COL4A1: variants seen among roughly 807,000 people sequenced by gnomAD.
COL4A1 encodes the protein collagen type IV alpha 1 chain.
COL4A1 carries 40 observed loss-of-function variants against 216.6 expected under a neutral mutation model. The ratio of observed to expected loss-of-function variants is 0.18; its 90% CI spans 0.14 to 0.24. The LOEUF (loss-of-function observed/expected upper bound fraction) is 0.24, where lower values mean the gene tolerates loss of function less well. Among genes scored for constraint, COL4A1 ranks in the 10% least tolerant of loss-of-function variants. COL4A1 has a pLI of 1.00. For synonymous variants in COL4A1, 839 were observed against 810.7 expected (o/e 1.03, Z -0.59); for missense variants, 1,628 against 2,196.8 (o/e 0.74, Z 5.18).
intron 1 of COL4A1, among the ~76,000 whole-genome samples, chr13:110,301,223 T>G (rs1044616246): frequency 6.6e-6 from 1 of 152,200 alleles, no homozygotes; most frequent in Admixed American, 6.5e-5. Context: ...CAGCTCCCTC[T>G]AGGACACTCC....
At position 110,191,849 on chromosome 13, in the gene COL4A1, G is replaced by A. The variant is rs574178366; in HGVS notation, c.1536+365C>T. Among the ~76,000 whole-genome samples the A allele has an allele frequency of 7.2e-5, 11 of 152,284 alleles. No homozygotes were observed. The South Asian group carries it at 2.3e-3, about 32-fold the overall frequency. ...TGGTAACACAGAAAGACGGCACTTC[G>A]GCTCTGCACTGTGGCTGTGTGGGGG... On this transcript the variant is annotated intron_variant, in intron 24 of 51. Transcript: ENST00000375820.
At chr13:110,257,947 A>G (rs1400805382) in intron 1 of COL4A1, among the ~76,000 whole-genome samples, 1 of 152,272 alleles carries the variant, frequency 6.6e-6, no homozygotes, top group Non-Finnish European at 1.5e-5. Context: ...TATGGAAAAT[A>G]TAATTCATTC....
chr13:110,255,542 A>G (rs1882473868), intron 1 of COL4A1, among the ~76,000 whole-genome samples: 1 of 103,706 alleles, frequency 9.6e-6, no homozygotes, highest in Admixed American at 1.1e-4. Flanking sequence ...GAAAGGAGGG[A>G]AAGGAAGGGA....
At chr13:110,208,402 T>A (rs909410915) in intron 12 of COL4A1, among the ~76,000 whole-genome samples, 1 of 152,134 alleles carries the variant, frequency 6.6e-6, no homozygotes, top group Admixed American at 6.5e-5. Context: ...GCCCTGGACA[T>A]GCCCGCCTCT....
intron 36 of COL4A1, 129 bp from the exon 37 acceptor site, chr13:110,175,486 GAGATACAAGAATGCACATCC>G: frequency 6.7e-7 from 1 of 1,487,886 alleles, no homozygotes; most frequent in Middle Eastern, 1.7e-4. Context: ...AGCCAAGATT[GAGATACAAGAATGCACATCC>G]CTCATGTATC....
At position 110,203,480 on chromosome 13, in the gene COL4A1, C is replaced by T. The variant is rs977073043; in HGVS notation, c.999+86G>A. 6.0e-6 allele frequency: 9 copies of T among 1,490,512 alleles called. No homozygotes were observed. The Admixed American group carries it at 1.5e-4, about 25-fold the overall frequency. 92.3% of individuals were successfully genotyped at this position (1,490,512 alleles called of 1,614,324 possible). A position where few individuals can be genotyped will look rare whatever the true frequency, so the allele number is the denominator to read the frequency against. ...CTCACAGACCCAGGGTCCTCTCCTT[C>T]CTCCCCCCAGTGCTCTCACAGACCC... On this transcript the variant is annotated intron_variant, in intron 18 of 51. Coordinates refer to ENST00000375820, the MANE Select transcript of COL4A1 (RefSeq NM_001845.6).
intron 1 of COL4A1, among the ~76,000 whole-genome samples, chr13:110,293,209 T>C (rs1420298885): frequency 3.9e-5 from 6 of 152,136 alleles, no homozygotes; most frequent in Admixed American, 2.0e-4. Context: ...TAGGCAAACA[T>C]GACCAAAGGT....
chr13:110,171,179 A>G (rs1227568144), intron 41 of COL4A1, among the ~76,000 whole-genome samples: 1 of 152,220 alleles, frequency 6.6e-6, no homozygotes, highest in Admixed American at 6.5e-5. Context: ...TGGATCTCAA[A>G]CGAATTATGT....
intron 1 of COL4A1, among the ~76,000 whole-genome samples, chr13:110,248,150 C>T (rs539605933): frequency 1.3e-5 from 2 of 152,306 alleles, no homozygotes; most frequent in African/African-American, 4.8e-5. Flanking sequence ...GGTGATACTG[C>T]CGTCGAGGGC....
chr13:110,215,569 AAAAAAAAC>A (rs200494169), intron 2 of COL4A1, among the ~76,000 whole-genome samples: 12,549 of 150,944 alleles, frequency 0.083, 553 homozygotes, highest in African/African-American at 0.1. Context: ...TCAAAAAAAA[AAAAAAAAC>A]AACAACCCAT....
intron 49 of COL4A1, 91 bp downstream of exon 49, chr13:110,161,101 G>T: frequency 7.4e-7 from 1 of 1,359,990 alleles, no homozygotes; most frequent in Non-Finnish European, 1.0e-6. Context: ...TGGATTCAAC[G>T]TTTTGGAGAA....
At chr13:110,210,496 C>T (rs1444471024) in intron 8 of COL4A1, among the ~76,000 whole-genome samples, 2 of 152,146 alleles carry the variant, frequency 1.3e-5, no homozygotes, top group Non-Finnish European at 2.9e-5. Context: ...GGACCACCCC[C>T]AACTCTAGAC....
In COL4A1 at chr13:110,174,692, T is replaced by G. The variant is rs927715443; in HGVS notation, c.3256A>C (p.Ser1086Arg). The change falls in exon 38 of 52, where the codon AGC (serine) becomes CGC (arginine). Residue 1086 changes from serine to arginine, a missense_variant. This residue lies in a region of COL4A1 where 345 missense variants were observed against 476.9 expected (regional missense o/e 0.72). Coordinates refer to ENST00000375820, the MANE Select transcript of COL4A1 (RefSeq NM_001845.6). ...CCTGGCATTCCTGGGATCCCAATGC[T>G]TCCTTTTTCTCCCTTCTCTCCAGGG... ...GSPGEKGEKG[S>R]IGIPGMPGSP... 1.2e-6 allele frequency: 2 copies of G among 1,613,772 alleles called. No individual in the cohort carries two copies. The highest frequency in any genetic ancestry group is 2.7e-5 in the African/African-American group (2 of 74,910).
In COL4A1 at chr13:110,149,498, T is replaced by C. The variant is rs1876403210; in HGVS notation, c.*865A>G. 2 of 152,790 alleles carry C rather than the reference T, an allele frequency of 1.3e-5. No homozygotes were observed. The highest frequency in any genetic ancestry group is 1.5e-5 in the Non-Finnish European group (1 of 68,034). 9.5% of individuals were successfully genotyped at this position (152,790 alleles called of 1,614,324 possible). A position where few individuals can be genotyped will look rare whatever the true frequency, so the allele number is the denominator to read the frequency against. ...ATGTTTCACTATAATAGACACCATA[T>C]TCATGAACCTGGGTTTGGTTTTGGC... On this transcript the variant is annotated 3_prime_UTR_variant, in exon 52 of 52. Transcript: ENST00000375820.
chr13:110,260,997 A>G (rs1481364521), intron 1 of COL4A1, among the ~76,000 whole-genome samples: 1 of 126,536 alleles, frequency 7.9e-6, no homozygotes, highest in African/African-American at 2.9e-5. Context: ...AGATCGCGCC[A>G]CTGCGCTCCA....
In COL4A1 at chr13:110,252,604, G is replaced by A. The variant is rs1247181825; in HGVS notation, c.85-9870C>T. Reference sequence around the variant, plus strand: ...TATACGTATAATTATACGTATATATGTATTATATATGTATAATTGTATATA... The same window carrying A: ...TATACGTATAATTATACGTATATATATATTATATATGTATAATTGTATATA... On this transcript the variant is annotated intron_variant, in intron 1 of 51. Transcript: ENST00000375820. Among the ~76,000 whole-genome samples, 100 of 35,006 alleles carry A rather than the reference G, an allele frequency of 2.9e-3. 48 individuals are homozygous for A. The highest frequency in any genetic ancestry group is 8.7e-3 in the Admixed American group (18 of 2,080). The allele number at this position is 35,006 out of a possible 152,430, so 23.0% of individuals were successfully genotyped here. A position where few individuals can be genotyped will look rare whatever the true frequency, so the allele number is the denominator to read the frequency against.
At chr13:110,278,406 C>T (rs945398013) in intron 1 of COL4A1, among the ~76,000 whole-genome samples, 1 of 152,124 alleles carries the variant, frequency 6.6e-6, no homozygotes, top group African/African-American at 2.4e-5. Context: ...GAAATACCTG[C>T]GTATTTTCCC....
chr13:110,168,285 G>T (rs1877436597), intron 43 of COL4A1, among the ~76,000 whole-genome samples: 1 of 152,170 alleles, frequency 6.6e-6, no homozygotes. Context: ...AAAGTGCTAG[G>T]ATTACAGGCG....
chr13:110,206,833 C>T (rs1243180150), intron 14 of COL4A1, 32 bp downstream of exon 14: 1 of 1,613,494 alleles, frequency 6.2e-7, no homozygotes, highest in Non-Finnish European at 8.5e-7. Context: ...GGTCTTTGAC[C>T]TAAAAATGAT....
Sources: gnomAD v4.1 joint callset for allele counts (sites outside exome capture counted in the v4.1 genomes callset) on GRCh38, gnomAD v4.1.1 for gene constraint, gnomAD v4.1.1 regional missense constraint, MANE v1.5 for transcripts, NCBI Gene and HGNC (gene_info 2026-07-23, HGNC 2026-07-21) for gene names.